Variants in ART3 observed in about 807,000 individuals in gnomAD.
The protein encoded by ART3 is ecto-ADP-ribosyltransferase 3.
Under a neutral mutation model 48.5 loss-of-function variants are expected in ART3, and 49 were observed. The observed-to-expected ratio is 1.01, with a 90% confidence interval of 0.80 to 1.28. ART3 has a LOEUF of 1.28. ART3 is among the 50% of genes most tolerant of loss of function. The probability of loss-of-function intolerance (pLI) is 0.00; values close to 1 mark genes in which losing one functional copy is unlikely to be tolerated. For missense variants in ART3, 438 were observed against 454.3 expected, an observed-to-expected ratio of 0.96 and a Z score of 0.33; for synonymous variants, 145 against 157.2, an observed-to-expected ratio of 0.92 and a Z score of 0.58.
At chr4:76,044,229 G>A (rs1735272900) in intron 1 of ART3, among the ~76,000 whole-genome samples, 1 of 152,020 alleles carries the variant, frequency 6.6e-6, no homozygotes, top group Non-Finnish European at 1.5e-5. Context: ...AATTTGAAAG[G>A]CGTTGTCTGA....
intron 1 of ART3, among the ~76,000 whole-genome samples, chr4:76,057,444 G>A (rs1718799088): frequency 6.6e-6 from 1 of 152,166 alleles, no homozygotes. Flanking sequence ...GTTAATATTA[G>A]GGGAAGAGGA....
At chr4:76,096,361 C>G (rs73826312) in intron 3 of ART3, among the ~76,000 whole-genome samples, 1 of 152,206 alleles carries the variant, frequency 6.6e-6, no homozygotes, top group African/African-American at 2.4e-5. Context: ...ACCAAATCAC[C>G]TGGGTTTTTG....
At position 76,042,726 on chromosome 4, in the gene ART3, G is replaced by A. The variant is rs1349820864; in HGVS notation, c.-10+31406G>A. ...CAGGAGTGAAGCTGCAGACTTTCGC[G>A]GTGAGTGTTACAGCTCATAAAAGCA... On this transcript the variant is annotated intron_variant, in intron 1 of 9. Coordinates refer to the ART3 transcript ENST00000341029. 6.6e-5 allele frequency among the ~76,000 whole-genome samples: 10 copies of A among 151,996 alleles called. No homozygotes were observed. In the East Asian group the frequency reaches 1.2e-3, roughly 18 times the overall value.
chr4:76,105,040 C>G (rs1202856907), intron 10 of ART3, among the ~76,000 whole-genome samples: 12 of 152,214 alleles, frequency 7.9e-5, no homozygotes, highest in Non-Finnish European at 4.4e-5. Flanking sequence ...TAAATAAAGG[C>G]TCAGAGAACA....
At chr4:76,029,034 A>G (rs1403129267) in intron 1 of ART3, among the ~76,000 whole-genome samples, 1 of 152,228 alleles carries the variant, frequency 6.6e-6, no homozygotes, top group Non-Finnish European at 1.5e-5. Context: ...TCTCCTTCCC[A>G]TAAATAAGAT....
intron 1 of ART3, chr4:76,035,271 T>C: frequency 1.2e-6 from 2 of 1,614,080 alleles, no homozygotes; most frequent in South Asian, 1.1e-5. Flanking sequence ...GCTTTCTCAA[T>C]ATCTGCCACT....
upstream of ART3, among the ~76,000 whole-genome samples, chr4:76,074,508 T>C (rs545482715): frequency 6.6e-6 from 1 of 152,284 alleles, no homozygotes; most frequent in African/African-American, 2.4e-5. Context: ...AACTGTGGGC[T>C]CAGAACTGAA....
intron 1 of ART3, among the ~76,000 whole-genome samples, chr4:76,043,026 A>C (rs547212812): frequency 6.6e-6 from 1 of 151,858 alleles, no homozygotes; most frequent in South Asian, 2.1e-4. Context: ...GTCGACACAG[A>C]GGTTCTCCGG....
chr4:76,023,496 T>C, intron 1 of ART3: 1 of 1,443,288 alleles, frequency 6.9e-7, no homozygotes, highest in South Asian at 1.1e-5. Context: ...GAGGAATGTC[T>C]CAGAAAACGT....
At position 76,038,696 on chromosome 4, in the gene ART3, ATTAT is replaced by A. The variant is rs58279842; in HGVS notation, c.-10+27413_-10+27416del. Among the ~76,000 whole-genome samples, 715 of 149,520 alleles carry A rather than the reference ATTAT, an allele frequency of 4.8e-3. 5 individuals carry two copies. The highest frequency in any genetic ancestry group is 5.6e-3 in the Non-Finnish European group (376 of 67,448). ...CAGCCTGTGTTCAAATCCACCCTTG[ATTAT>A]TTATTTATTTATTTATTTATTTATT... is the stretch of plus-strand genomic sequence containing the variant. On this transcript the variant is annotated intron_variant, in intron 1 of 9. Coordinates refer to the ART3 transcript ENST00000341029.
At chr4:76,032,135 C>T (rs1240341501) in intron 1 of ART3, among the ~76,000 whole-genome samples, 1 of 151,816 alleles carries the variant, frequency 6.6e-6, no homozygotes, top group Non-Finnish European at 1.5e-5. Flanking sequence ...TGTATGTTTT[C>T]TTCTCAGTAA....
chr4:76,044,132 G>T (rs1039451711), intron 1 of ART3, among the ~76,000 whole-genome samples: 1 of 151,994 alleles, frequency 6.6e-6, no homozygotes. Context: ...AAAATACAGG[G>T]CCCAAAAGCG....
chr4:76,100,548 T>C (rs1349758993), intron 6 of ART3, among the ~76,000 whole-genome samples: 1 of 151,314 alleles, frequency 6.6e-6, no homozygotes, highest in African/African-American at 2.4e-5. Context: ...GGAGAATCCC[T>C]TGAACCAGGG....
At chr4:76,065,845 A>G (rs1039443146) in intron 1 of ART3, among the ~76,000 whole-genome samples, 1 of 152,206 alleles carries the variant, frequency 6.6e-6, no homozygotes, top group South Asian at 2.1e-4. Flanking sequence ...TTTTGAAAAT[A>G]CTAAATAGAT....
At chr4:76,076,004 GTTTTT>G (rs10674212) in intron 2 of ART3, 46 bp downstream of exon 2, 3 of 1,194,744 alleles carry the variant, frequency 2.5e-6, no homozygotes, top group Non-Finnish European at 3.5e-6. Flanking sequence ...ATGGAAATTC[GTTTTT>G]TTTTTTTTTT....
chr4:76,046,688 C>T (rs1262768116), intron 1 of ART3, among the ~76,000 whole-genome samples: 1 of 151,860 alleles, frequency 6.6e-6, no homozygotes, highest in Non-Finnish European at 1.5e-5. Context: ...TAACTTTTTC[C>T]CCATATTCAT....
intron 1 of ART3, among the ~76,000 whole-genome samples, chr4:76,020,304 T>C (rs934938892): frequency 6.6e-6 from 1 of 152,058 alleles, no homozygotes; most frequent in Non-Finnish European, 1.5e-5. Flanking sequence ...TCACTGTGTT[T>C]CCAGGCTGGT....
intron 1 of ART3, chr4:76,021,867 G>C: frequency 6.8e-7 from 1 of 1,474,248 alleles, no homozygotes; most frequent in Non-Finnish European, 9.5e-7. Flanking sequence ...GAAGTGATGG[G>C]AGAGGCAGCC....
intron 11 of ART3, among the ~76,000 whole-genome samples, chr4:76,108,733 A>G (rs1053378750): frequency 5.3e-5 from 8 of 152,122 alleles, no homozygotes; most frequent in African/African-American, 1.4e-4. Context: ...CATAGTGTGT[A>G]CTTACCCAAC....
Sources: gnomAD v4.1 joint callset for allele counts (sites outside exome capture counted in the v4.1 genomes callset) on GRCh38, gnomAD v4.1.1 for gene constraint, MANE v1.5 for transcripts, NCBI Gene and HGNC (gene_info 2026-07-23, HGNC 2026-07-21) for gene names.